The following USP10 variants were observed in gnomAD, a reference collection of about 807,000 sequenced individuals.
The protein encoded by USP10 is ubiquitin specific peptidase 10, also known as ubiquitin carboxyl-terminal hydrolase 10.
USP10 carries 22 observed loss-of-function variants against 84.5 expected under a neutral mutation model. The observed-to-expected ratio is 0.26, with a 90% CI of 0.19 to 0.37. The LOEUF is 0.37. USP10 is among the 10% of genes least tolerant of loss of function. The pLI, the probability that USP10 is intolerant of heterozygous loss-of-function variation, is 1.00. For synonymous variants in USP10, 454 were observed against 387.6 expected (o/e 1.17, Z -2.01); for missense variants, 1,019 against 998.9 (o/e 1.02, Z -0.27).
chr16:84,709,872 G>T (rs1291773715), intron 1 of USP10, among the ~76,000 whole-genome samples: 1 of 152,174 alleles, frequency 6.6e-6, no homozygotes, highest in Non-Finnish European at 1.5e-5. Context: ...TGGCTGAAAT[G>T]GTGTGTAGGG....
At chr16:84,769,973 G>A (rs1914257080) in intron 11 of USP10, among the ~76,000 whole-genome samples, 1 of 152,208 alleles carries the variant, frequency 6.6e-6, no homozygotes, top group African/African-American at 2.4e-5. Flanking sequence ...GCCAGGTGTG[G>A]TGGCTCACGC....
chr16:84,726,282 C>A (rs1287885276), intron 1 of USP10, among the ~76,000 whole-genome samples: 2 of 152,224 alleles, frequency 1.3e-5, no homozygotes, highest in African/African-American at 4.8e-5. Flanking sequence ...CCCGCAGTTC[C>A]GGCGGGAGAG....
At chr16:84,723,292 A>G (rs58643642) in intron 1 of USP10, among the ~76,000 whole-genome samples, 12,049 of 152,202 alleles carry the variant, frequency 0.079, 652 homozygotes, top group African/African-American at 0.16. Context: ...TGTTCTGTGA[A>G]GCTTAATTCA....
At chr16:84,700,378 C>T (rs1904688692) in intron 1 of USP10, among the ~76,000 whole-genome samples, 1 of 151,908 alleles carries the variant, frequency 6.6e-6, no homozygotes, top group South Asian at 2.1e-4. Flanking sequence ...GTGGAGGGCG[C>T]CGAAGGGGTT....
At chr16:84,751,807 G>A (rs1250519742) in intron 4 of USP10, among the ~76,000 whole-genome samples, 2 of 152,188 alleles carry the variant, frequency 1.3e-5, no homozygotes, top group Non-Finnish European at 2.9e-5. Context: ...AAGAATCAGA[G>A]TTCTGTACCT....
At chr16:84,711,968 C>T (rs1005728634) in intron 1 of USP10, among the ~76,000 whole-genome samples, 3 of 152,118 alleles carry the variant, frequency 2.0e-5, no homozygotes, top group Non-Finnish European at 2.9e-5. Context: ...GATCCGCCTG[C>T]CTCAGCCTCC....
chr16:84,758,901 A>G (rs1204111451), intron 5 of USP10, 94 bp downstream of exon 5: 2 of 872,532 alleles, frequency 2.3e-6, no homozygotes, highest in East Asian at 2.4e-5. Flanking sequence ...TGGGCCATCT[A>G]GCTCTCCATT....
chr16:84,721,174 G>T (rs1158763939), intron 1 of USP10, among the ~76,000 whole-genome samples: 3 of 152,150 alleles, frequency 2.0e-5, no homozygotes, highest in African/African-American at 7.2e-5. Flanking sequence ...TTACAGGTGT[G>T]AGCCACCATG....
chr16:84,740,273 G>A (rs868098637), intron 2 of USP10, 36 bp from the exon 3 acceptor site: 2 of 1,590,674 alleles, frequency 1.3e-6, no homozygotes, highest in Admixed American at 1.7e-5. Context: ...TTAACATTTT[G>A]TTGAATTAAA....
Position 84,702,093 on chromosome 16 carries a change from G to A in USP10, c.21+1982G>A, listed in dbSNP as rs1205705284. 2.7e-5 allele frequency among the ~76,000 whole-genome samples: 3 copies of A among 110,204 alleles called. 1 individual carries two copies. Among genetic ancestry groups the A allele is most frequent in the African/African-American group, 1.1e-4 (3 of 27,710 alleles). The allele number at this position is 110,204 out of a possible 152,430, so 72.3% of individuals were successfully genotyped here. A position where few individuals can be genotyped will look rare whatever the true frequency, so the allele number is the denominator to read the frequency against. On this transcript the variant is annotated intron_variant, in intron 1 of 13. Coordinates refer to ENST00000219473, the MANE Select transcript of USP10 (RefSeq NM_005153.3). ...TTTTTTGAGACGGGAGTCTTGCTCT[G>A]TCGCCCAGGCTGGAGTGCAGTGGCA... is the stretch of plus-strand genomic sequence containing the variant.
At chr16:84,737,279 A>G (rs1277055250) in intron 2 of USP10, among the ~76,000 whole-genome samples, 4 of 152,244 alleles carry the variant, frequency 2.6e-5, no homozygotes, top group Admixed American at 1.3e-4. Flanking sequence ...ATAACTATTA[A>G]TAGATGACAG....
At chr16:84,769,028 A>G (rs1481248708) in intron 11 of USP10, among the ~76,000 whole-genome samples, 4 of 152,102 alleles carry the variant, frequency 2.6e-5, no homozygotes, top group African/African-American at 9.7e-5. Flanking sequence ...GCTATTTTGT[A>G]CTCTGCAGCA....
chr16:84,748,921 A>G (rs1323193467), intron 4 of USP10, among the ~76,000 whole-genome samples: 2 of 152,164 alleles, frequency 1.3e-5, no homozygotes, highest in African/African-American at 4.8e-5. Context: ...CCCCTACCAA[A>G]CAGATTATTT....
intron 1 of USP10, chr16:84,704,701 G>C (rs978573259): frequency 2.7e-6 from 4 of 1,485,116 alleles, no homozygotes; most frequent in African/African-American, 1.4e-5. Context: ...TCAGATCCTA[G>C]ATTTTTTCTG....
chr16:84,740,452 C>T, intron 3 of USP10, 83 bp downstream of exon 3: 1 of 1,121,348 alleles, frequency 8.9e-7, no homozygotes, highest in Non-Finnish European at 1.3e-6. Flanking sequence ...ACATTGTTTC[C>T]CATTTGAATA....
chr16:84,767,435 G>C (rs968124366), intron 10 of USP10, among the ~76,000 whole-genome samples: 3 of 152,110 alleles, frequency 2.0e-5, no homozygotes, highest in African/African-American at 7.2e-5. Flanking sequence ...ATGTTAACTT[G>C]TTTTTTATTC....
intron 10 of USP10, among the ~76,000 whole-genome samples, chr16:84,765,568 T>C (rs1913761270): frequency 6.6e-6 from 1 of 152,146 alleles, no homozygotes; most frequent in African/African-American, 2.4e-5. Context: ...AGTATAATGT[T>C]CCCCAGGTTC....
At chr16:84,735,872 G>T (rs1381830420) in intron 2 of USP10, among the ~76,000 whole-genome samples, 1 of 152,198 alleles carries the variant, frequency 6.6e-6, no homozygotes, top group Non-Finnish European at 1.5e-5. Flanking sequence ...AACATAATCG[G>T]ATGGAGTTGT....
chr16:84,717,434 C>G lies in USP10; in HGVS notation c.22-16001C>G, dbSNP rs1407049707. On this transcript the variant is annotated intron_variant, in intron 1 of 13. Coordinates refer to ENST00000219473, the MANE Select transcript of USP10 (RefSeq NM_005153.3). ...CACACTAGCTGTATGTCCTCCTTCCCTGACCCCAGTTCTTTGAAGGCAGGA... is the reference window on the plus strand; with the variant it reads ...CACACTAGCTGTATGTCCTCCTTCCGTGACCCCAGTTCTTTGAAGGCAGGA... Among the ~76,000 whole-genome samples, 4 of 152,228 alleles carry G rather than the reference C, an allele frequency of 2.6e-5. No individual in the cohort carries two copies. The South Asian group carries it at 8.3e-4, about 32-fold the overall frequency.
Sources: gnomAD v4.1 joint callset for allele counts (sites outside exome capture counted in the v4.1 genomes callset) on GRCh38, gnomAD v4.1.1 for gene constraint, MANE v1.5 for transcripts, NCBI Gene and HGNC (gene_info 2026-07-23, HGNC 2026-07-21) for gene names.